The following DISP1 variants were observed in gnomAD, a reference collection of about 807,000 sequenced individuals.
DISP1 encodes dispatched RND transporter family member 1, also known as protein dispatched homolog 1.
Under a neutral mutation model 37.3 loss-of-function variants are expected in DISP1, and 30 were observed. The ratio of observed to expected loss-of-function variants is 0.80; its 90% CI spans 0.60 to 1.09. DISP1 has a LOEUF of 1.09. Ranked by LOEUF, DISP1 falls within the 50% of genes least tolerant of loss-of-function variation. The pLI is 0.00. For missense variants in DISP1, 1,598 were observed against 1,879.5 expected (o/e 0.85, Z 2.77); for synonymous variants, 634 against 690.2 (o/e 0.92, Z 1.28).
rs1263898526 is a variant in DISP1, at chr1:222,950,587, G to C, written c.509+7255G>C. Among the ~76,000 whole-genome samples, 3 of 150,822 alleles carry C rather than the reference G, an allele frequency of 2.0e-5. 1 individual carries two copies. In the East Asian group the frequency reaches 5.9e-4, roughly 29 times the overall value. On this transcript the variant is annotated intron_variant, in intron 3 of 8. Coordinates refer to ENST00000675850, the MANE Select transcript of DISP1 (RefSeq NM_001377229.1). ...TGCACTCCGGCCTCGAGGACAGAGC[G>C]AGACTCCGTCTCAAAAAAAAAAAAC...
At chr1:222,942,149 A>T (rs754300773) in intron 2 of DISP1, among the ~76,000 whole-genome samples, 7 of 151,974 alleles carry the variant, frequency 4.6e-5, no homozygotes, top group Non-Finnish European at 1.0e-4. Context: ...TCCCACCCAT[A>T]GTATTATTTT....
intron 3 of DISP1, among the ~76,000 whole-genome samples, chr1:222,954,843 T>A (rs866767276): frequency 1.3e-5 from 2 of 151,770 alleles, no homozygotes; most frequent in African/African-American, 2.4e-5. Flanking sequence ...ACCCTGTTTA[T>A]CTAAAAATAA....
chr1:222,950,147 T>C (rs903226937), intron 3 of DISP1, among the ~76,000 whole-genome samples: 2 of 152,120 alleles, frequency 1.3e-5, no homozygotes, highest in Admixed American at 1.3e-4. Flanking sequence ...TGTAGGTTAT[T>C]GAGGTTAGGG....
At chr1:222,909,116 A>G (rs1182038000) in intron 1 of DISP1, among the ~76,000 whole-genome samples, 1 of 152,124 alleles carries the variant, frequency 6.6e-6, no homozygotes, top group East Asian at 1.9e-4. Flanking sequence ...CATCTTTTAG[A>G]ATTCTGTAAT....
At chr1:222,925,090 A>G (rs1194150306) in intron 1 of DISP1, among the ~76,000 whole-genome samples, 1 of 152,144 alleles carries the variant, frequency 6.6e-6, no homozygotes, top group Non-Finnish European at 1.5e-5. Flanking sequence ...ATTGGGGATA[A>G]TATTTATTTA....
intron 1 of DISP1, among the ~76,000 whole-genome samples, chr1:222,839,361 G>C (rs1286307213): frequency 1.3e-5 from 2 of 152,202 alleles, no homozygotes; most frequent in African/African-American, 2.4e-5. Flanking sequence ...TGCCCACGTT[G>C]TCTGTGGAAA....
In DISP1 at chr1:222,818,495, C is replaced by T. The variant is rs370041764; in HGVS notation, c.-159+3417C>T. 2.3e-3 allele frequency among the ~76,000 whole-genome samples: 356 copies of T among 152,126 alleles called. 1 individual carries two copies. Among genetic ancestry groups the T allele is most frequent in the African/African-American group, 8.3e-3 (344 of 41,484 alleles). Reference sequence around the variant, plus strand: ...GTGTTAGTGTATAATTATGGTTCTCCGGAGAAACAGACCAATATCACATAT... The same window carrying T: ...GTGTTAGTGTATAATTATGGTTCTCTGGAGAAACAGACCAATATCACATAT... On this transcript the variant is annotated intron_variant, in intron 1 of 8. Transcript: ENST00000675850.
intron 3 of DISP1, among the ~76,000 whole-genome samples, chr1:222,956,932 G>A (rs1474864108): frequency 6.6e-6 from 1 of 152,044 alleles, no homozygotes; most frequent in Non-Finnish European, 1.5e-5. Context: ...TTGAGTTTAA[G>A]GGTAAGTACT....
intron 4 of DISP1, among the ~76,000 whole-genome samples, chr1:222,983,837 T>G (rs1023488150): frequency 6.6e-6 from 1 of 152,154 alleles, no homozygotes; most frequent in Non-Finnish European, 1.5e-5. Flanking sequence ...GGCTTATCTT[T>G]CAATAGAGAA....
intron 1 of DISP1, among the ~76,000 whole-genome samples, chr1:222,915,061 C>G (rs1672419674): frequency 6.6e-6 from 1 of 152,140 alleles, no homozygotes; most frequent in Non-Finnish European, 1.5e-5. Flanking sequence ...TTTCTAAAAT[C>G]TGAGTTCAGC....
chr1:222,902,144 G>A (rs375901114), intron 1 of DISP1, among the ~76,000 whole-genome samples: 9 of 152,172 alleles, frequency 5.9e-5, no homozygotes, highest in African/African-American at 1.9e-4. Context: ...GGTTTTTTGT[G>A]TCTCTATTTC....
intron 1 of DISP1, among the ~76,000 whole-genome samples, chr1:222,830,258 G>A (rs77790178): frequency 2.0e-5 from 3 of 152,026 alleles, no homozygotes; most frequent in Admixed American, 2.0e-4. Flanking sequence ...TTTTGGGGGG[G>A]TCATTTCAAT....
At chr1:222,923,808 T>C (rs2789962) in intron 1 of DISP1, among the ~76,000 whole-genome samples, 40,115 of 151,890 alleles carry the variant, frequency 0.26, 5,566 homozygotes, top group South Asian at 0.47. Flanking sequence ...CATTTCTAAA[T>C]CTAAGAGAGA....
At chr1:222,909,762 C>CT (rs1672110420) in intron 1 of DISP1, among the ~76,000 whole-genome samples, 1 of 152,220 alleles carries the variant, frequency 6.6e-6, no homozygotes, top group African/African-American at 2.4e-5. Flanking sequence ...GCCTGGAACT[C>CT]TGAGCCTGCC....
chr1:222,821,194 C>T (rs1662794297), intron 1 of DISP1, among the ~76,000 whole-genome samples: 1 of 152,186 alleles, frequency 6.6e-6, no homozygotes, highest in African/African-American at 2.4e-5. Flanking sequence ...ATGTTCTTAA[C>T]TACAGTGCTG....
At chr1:222,953,031 C>T (rs554650806) in intron 3 of DISP1, among the ~76,000 whole-genome samples, 9 of 152,210 alleles carry the variant, frequency 5.9e-5, no homozygotes, top group East Asian at 3.9e-4. Context: ...TTATAGTTGC[C>T]GGGCTTTTTG....
intron 1 of DISP1, among the ~76,000 whole-genome samples, chr1:222,878,316 C>A (rs905455692): frequency 6.6e-6 from 1 of 152,130 alleles, no homozygotes; most frequent in Non-Finnish European, 1.5e-5. Flanking sequence ...AATAACTGTT[C>A]ACCCTAATGA....
chr1:222,892,695 C>T (rs1374671060), intron 1 of DISP1, among the ~76,000 whole-genome samples: 1 of 152,174 alleles, frequency 6.6e-6, no homozygotes, highest in Non-Finnish European at 1.5e-5. Flanking sequence ...GGCTATGGAA[C>T]ACTTTGATGT....
At chr1:222,908,180 C>T (rs1198846986) in intron 1 of DISP1, among the ~76,000 whole-genome samples, 1 of 151,944 alleles carries the variant, frequency 6.6e-6, no homozygotes, top group Non-Finnish European at 1.5e-5. Flanking sequence ...AAAACTGGCT[C>T]AAATCAGAAC....
Sources: allele counts gnomAD v4.1 joint callset (sites outside exome capture counted in the v4.1 genomes callset), GRCh38; gene constraint gnomAD v4.1.1; transcripts MANE v1.5; gene names NCBI Gene and HGNC (gene_info 2026-07-23, HGNC 2026-07-21).